MYH11: variants seen among roughly 807,000 people sequenced by gnomAD.
MYH11 encodes the protein myosin heavy chain 11.
In MYH11, 80 loss-of-function variants were observed where a neutral mutation model predicts 246.6. That is an observed-to-expected ratio of 0.32 (90% CI 0.27 to 0.39). MYH11 has a LOEUF of 0.39. MYH11 is among the 10% of genes least tolerant of loss of function. The pLI is 1.00. For synonymous variants in MYH11, 1,071 were observed against 1,015.5 expected (o/e 1.05, Z -1.04); for missense variants, 2,158 against 2,546.8 (o/e 0.85, Z 3.29).
chr16:15,776,098 C>G lies in MYH11; in HGVS notation c.869G>C (p.Gly290Ala), dbSNP rs2042214914. ...CTTACTTCTCATCTTCTCCTTGGCT[C>G]CAGCAATCATGTAGTAAAAGATGTG... is the stretch of plus-strand genomic sequence containing the variant. ...TFHIFYYMIA[G>A]AKEKMRSDLL... The change falls in exon 8 of 41, where the codon GGA (glycine) becomes GCA (alanine). Residue 290 changes from glycine to alanine, a missense_variant. Transcript: ENST00000300036. 1.9e-6 allele frequency: 3 copies of G among 1,613,596 alleles called. No homozygotes were observed. The highest frequency in any genetic ancestry group is 2.5e-6 in the Non-Finnish European group (3 of 1,179,506).
intron 4 of MYH11, chr16:15,791,353 G>T (rs992997279): frequency 2.0e-5 from 3 of 152,164 alleles, no homozygotes; most frequent in African/African-American, 7.2e-5. Context: ...GTTTGCCACT[G>T]GTAGGAAAGC....
At chr16:15,819,043 T>A (rs1442226953) in intron 3 of MYH11, among the ~76,000 whole-genome samples, 1 of 152,062 alleles carries the variant, frequency 6.6e-6, no homozygotes, top group Non-Finnish European at 1.5e-5. Flanking sequence ...TGTGGCCAGC[T>A]AATTATTTTT....
Position 15,823,266 on chromosome 16 carries a change from C to T in MYH11, c.491G>A (p.Ser164Asn), listed in dbSNP as rs1293512437. ...CTGAGTTCACTCACCTTGAAGCATGCTCCGGTAGGCCGTGTCTGCGATGGC... is the reference window on the plus strand; with the variant it reads ...CTGAGTTCACTCACCTTGAAGCATGTTCCGGTAGGCCGTGTCTGCGATGGC... ...IYAIADTAYR[S>N]MLQDREDQSI... is the part of the protein sequence containing the mutation. Residue 164 changes from serine to asparagine, a missense_variant, in exon 3 of 41, where the codon AGC becomes AAC. By Grantham distance (46) the Ser-to-Asn change is conservative. Coordinates refer to ENST00000300036, the MANE Select transcript of MYH11 (RefSeq NM_002474.3). The T allele has an allele frequency of 1.2e-6, 2 of 1,614,224 alleles. No individual in the cohort carries two copies. The highest frequency in any genetic ancestry group is 1.3e-5 in the African/African-American group (1 of 75,070).
intron 40 of MYH11, chr16:15,708,940 A>T (rs1486879134): frequency 8.1e-7 from 1 of 1,236,886 alleles, no homozygotes; most frequent in Admixed American, 2.0e-5. Flanking sequence ...CTTCGATTTA[A>T]TAATTAAAGG....
At chr16:15,773,564 G>A (rs2042154601) in intron 8 of MYH11, among the ~76,000 whole-genome samples, 1 of 152,052 alleles carries the variant, frequency 6.6e-6, no homozygotes, top group Non-Finnish European at 1.5e-5. Flanking sequence ...GGGATTACAG[G>A]TGTGAGCCAC....
intron 1 of MYH11, among the ~76,000 whole-genome samples, chr16:15,841,765 C>A (rs947506278): frequency 6.6e-6 from 1 of 152,222 alleles, no homozygotes; most frequent in Admixed American, 6.5e-5. Flanking sequence ...CCCCTTCTAC[C>A]TCTTGCTGCT....
intron 1 of MYH11, among the ~76,000 whole-genome samples, chr16:15,852,857 G>A (rs182504703): frequency 1.3e-5 from 2 of 152,124 alleles, no homozygotes; most frequent in African/African-American, 4.8e-5. Flanking sequence ...CCTTGCAAAA[G>A]TTGGGGAACC....
At chr16:15,849,335 T>C (rs1026423606) in intron 1 of MYH11, among the ~76,000 whole-genome samples, 4 of 152,186 alleles carry the variant, frequency 2.6e-5, no homozygotes, top group African/African-American at 4.8e-5. Context: ...TCCAACTTTC[T>C]CGAATGTTTG....
intron 40 of MYH11, among the ~76,000 whole-genome samples, chr16:15,706,746 C>A (rs1300594611): frequency 1.3e-5 from 2 of 152,032 alleles, no homozygotes; most frequent in Non-Finnish European, 2.9e-5. Context: ...GGGAAGTAGT[C>A]CCTAACCTCC....
At chr16:15,711,704 T>C (rs1189767428) in intron 40 of MYH11, among the ~76,000 whole-genome samples, 1 of 152,130 alleles carries the variant, frequency 6.6e-6, no homozygotes, top group Non-Finnish European at 1.5e-5. Context: ...CTGGAGATTT[T>C]TTTTTTGAGA....
At chr16:15,769,958 G>T (rs1455696424) in intron 9 of MYH11, among the ~76,000 whole-genome samples, 4 of 152,160 alleles carry the variant, frequency 2.6e-5, no homozygotes, top group African/African-American at 9.7e-5. Flanking sequence ...ACTGTGCCCA[G>T]CCTGTTCCAG....
chr16:15,829,572 C>G lies in MYH11; in HGVS notation c.346-6161G>C, dbSNP rs546734716. On this transcript the variant is annotated intron_variant, in intron 2 of 40. Transcript: ENST00000300036. ...GTTTCTGCCTCTCTGGCCCCACGAG[C>G]CCCTCTCCAGCTGGTTAAATTCAGA... Among the ~76,000 whole-genome samples the G allele has an allele frequency of 9.2e-5, 14 of 152,314 alleles. No individual in the cohort carries two copies. The South Asian group carries it at 1.2e-3, about 14-fold the overall frequency.
chr16:15,729,051 G>A (rs575084616), intron 27 of MYH11, among the ~76,000 whole-genome samples: 2 of 151,972 alleles, frequency 1.3e-5, no homozygotes, highest in African/African-American at 4.8e-5. Context: ...GACGTTGACC[G>A]GTCAGCCCTG....
At position 15,735,427 on chromosome 16, in the gene MYH11, C is replaced by T. The variant is rs768516438; in HGVS notation, c.3445G>A (p.Glu1149Lys). The change falls in exon 26 of 41, where the codon GAG becomes AAG. Residue 1149 changes from glutamate (E) to lysine (K), a missense_variant. By Grantham distance (56) the Glu-to-Lys change is moderately conservative. Around this residue, in one of 11 missense-constraint regions of MYH11, gnomAD observed 284 missense variants for 315.4 expected, o/e 0.90. Coordinates refer to ENST00000300036, the MANE Select transcript of MYH11 (RefSeq NM_002474.3). ...TCTTCCAGCTCTGTCTTTAGGGCCTCCAGCTCCTCGCCGAGGTCTCGCTTC... is the reference window on the plus strand; with the variant it reads ...TCTTCCAGCTCTGTCTTTAGGGCCTTCAGCTCCTCGCCGAGGTCTCGCTTC... ...KQKRDLGEEL[E>K]ALKTELEDTL... 1 of 1,614,106 alleles carries T rather than the reference C, an allele frequency of 6.2e-7. No individual in the cohort carries two copies. Among genetic ancestry groups the T allele is most frequent in the Non-Finnish European group, 8.5e-7 (1 of 1,180,030 alleles).
At position 15,703,916 on chromosome 16, in the gene MYH11, T is replaced by G. The variant is rs747272561; in HGVS notation, c.*75A>C. On this transcript the variant is annotated 3_prime_UTR_variant, in exon 41 of 41. Coordinates refer to ENST00000300036, the MANE Select transcript of MYH11 (RefSeq NM_002474.3). ...TGCTGGGTTTTGCTTTGTTCTGGGT[T>G]GTTGTTGGGTTTTTTTTGTTTGTTT... is the stretch of plus-strand genomic sequence containing the variant. 3.8e-6 allele frequency: 6 copies of G among 1,598,424 alleles called. No homozygotes were observed. Among genetic ancestry groups the G allele is most frequent in the South Asian group, 1.1e-5 (1 of 89,308 alleles).
At position 15,715,020 on chromosome 16, in the gene MYH11, T is replaced by G. The variant is rs781754239; in HGVS notation, c.5675A>C (p.Glu1892Ala). 6.2e-6 allele frequency: 10 copies of G among 1,613,822 alleles called. No individual in the cohort carries two copies. Among genetic ancestry groups the G allele is most frequent in the Admixed American group, 1.7e-5 (1 of 60,020 alleles). ...GCGGTTGGCGTTGATGCGCTGGGAC[T>G]CCTCCTCTGCCTCCTCCAGCTGCCT... ...LKRQLEEAEE[E>A]SQRINANRRK... The change falls in exon 40 of 41, where the codon GAG (glutamate) becomes GCG (alanine). Residue 1892 changes from glutamate (E) to alanine (A), a missense_variant. Glu to Ala is a moderately radical substitution (Grantham distance 107). Transcript: ENST00000300036.
Position 15,724,238 on chromosome 16 carries a change from C to T in MYH11, c.4288G>A (p.Asp1430Asn), listed in dbSNP as rs2040631334. ...KTKNRLQQEL[D>N]DLVVDLDNQR... ...TTGTCCAAATCAACAACCAGGTCGT[C>T]CAGCTCCTGCTGAAGCCTGTTCTTG... The change falls in exon 31 of 41, where the codon GAC becomes AAC. Residue 1430 changes from aspartate (D) to asparagine (N), a missense_variant. Asp to Asn is a conservative substitution (Grantham distance 23). Transcript: ENST00000300036. 1.9e-6 allele frequency: 3 copies of T among 1,614,198 alleles called. No individual in the cohort carries two copies. The highest frequency in any genetic ancestry group is 2.5e-6 in the Non-Finnish European group (3 of 1,180,038).
At chr16:15,835,424 T>C (rs776433714) in intron 2 of MYH11, among the ~76,000 whole-genome samples, 8 of 152,232 alleles carry the variant, frequency 5.3e-5, no homozygotes, top group Non-Finnish European at 4.4e-5. Flanking sequence ...GTGTTCACTA[T>C]GCTTTCTGAA....
chr16:15,724,508 T>A (rs1481575365), intron 30 of MYH11, 99 bp from the exon 31 acceptor site: 10 of 1,607,416 alleles, frequency 6.2e-6, no homozygotes, highest in Non-Finnish European at 7.6e-6. Context: ...TGTCTCCTCG[T>A]TGGAGAAACC....
Sources: gnomAD v4.1 joint callset for allele counts (sites outside exome capture counted in the v4.1 genomes callset) on GRCh38, gnomAD v4.1.1 for gene constraint, gnomAD v4.1.1 regional missense constraint, MANE v1.5 for transcripts, NCBI Gene and HGNC (gene_info 2026-07-23, HGNC 2026-07-21) for gene names.